The following DSCAM variants were observed in gnomAD, a reference collection of about 807,000 sequenced individuals.
DSCAM encodes the protein DS cell adhesion molecule, also known as cell adhesion molecule DSCAM.
DSCAM carries 47 observed loss-of-function variants against 217.7 expected under a neutral mutation model. That is an observed-to-expected ratio of 0.22 (90% CI 0.17 to 0.28). The LOEUF (loss-of-function observed/expected upper bound fraction) is 0.28. DSCAM is among the 10% of genes least tolerant of loss of function. The pLI is 1.00. For missense variants in DSCAM, 2,080 were observed against 2,618.3 expected (o/e 0.79, Z 4.49); for synonymous variants, 1,056 against 1,015.3 (o/e 1.04, Z -0.76).
At chr21:40,608,141 A>G (rs1216557946) in intron 3 of DSCAM, among the ~76,000 whole-genome samples, 1 of 152,162 alleles carries the variant, frequency 6.6e-6, no homozygotes, top group Admixed American at 6.5e-5. Context: ...AATATACATA[A>G]TCCTCATGAA....
chr21:40,467,930 C>CAAAAAAAAAAAAAAAAAAAAAAAAAAAA (rs56379350), intron 3 of DSCAM, among the ~76,000 whole-genome samples: 1 of 84,426 alleles, frequency 1.2e-5, no homozygotes. Context: ...AAAGATTAAC[C>CAAAAAAAAAAAAAAAAAAAAAAAAAAAA]AAAAAAAAAA....
At chr21:40,351,755 A>C (rs1341493939) in intron 5 of DSCAM, among the ~76,000 whole-genome samples, 4 of 152,240 alleles carry the variant, frequency 2.6e-5, no homozygotes, top group Non-Finnish European at 4.4e-5. Context: ...GCACATTAAG[A>C]ATAAAGGCTT....
At chr21:40,380,838 C>T (rs908004992) in intron 3 of DSCAM, among the ~76,000 whole-genome samples, 32 of 151,802 alleles carry the variant, frequency 2.1e-4, no homozygotes, top group South Asian at 4.2e-4. Flanking sequence ...CCGAGGCGGG[C>T]GGATCACAAG....
intron 11 of DSCAM, among the ~76,000 whole-genome samples, chr21:40,261,984 G>A (rs994212809): frequency 5.3e-5 from 8 of 151,870 alleles, no homozygotes; most frequent in Non-Finnish European, 1.2e-4. Context: ...TTAAGAAAAG[G>A]CACCTGAGAG....
At position 40,738,741 on chromosome 21, in the gene DSCAM, T is replaced by A. The variant is rs1341548624; in HGVS notation, c.44-29970A>T. ...GCATCTCACAAATCATCGAGTGACG[T>A]TGATGCTGCCAGTCAGGGGACCACA... On this transcript the variant is annotated intron_variant, in intron 1 of 32. Coordinates refer to ENST00000400454, the MANE Select transcript of DSCAM (RefSeq NM_001389.5). Among the ~76,000 whole-genome samples the A allele has an allele frequency of 2.6e-5, 4 of 152,278 alleles. No individual in the cohort carries two copies. In the East Asian group the frequency reaches 7.7e-4, roughly 29 times the overall value.
At chr21:40,175,095 C>T (rs151089464) in intron 15 of DSCAM, among the ~76,000 whole-genome samples, 1 of 152,220 alleles carries the variant, frequency 6.6e-6, no homozygotes, top group Non-Finnish European at 1.5e-5. Context: ...ACTTATACAC[C>T]ACAGAAGTTT....
At chr21:40,746,439 T>TA (rs368227761) in intron 1 of DSCAM, among the ~76,000 whole-genome samples, 25 of 147,336 alleles carry the variant, frequency 1.7e-4, no homozygotes, top group African/African-American at 6.2e-4. Context: ...TCAAGAATGG[T>TA]AAAAAATAAA....
intron 4 of DSCAM, among the ~76,000 whole-genome samples, chr21:40,358,178 A>C (rs1170283945): frequency 6.6e-6 from 1 of 152,154 alleles, no homozygotes; most frequent in Admixed American, 6.5e-5. Flanking sequence ...TAAAAAATCA[A>C]CTCTCAATGA....
At chr21:40,491,343 G>T (rs1449215190) in intron 3 of DSCAM, among the ~76,000 whole-genome samples, 1 of 152,006 alleles carries the variant, frequency 6.6e-6, no homozygotes, top group Admixed American at 6.6e-5. Context: ...ACCAGAGAGT[G>T]ATTGCTTCTG....
chr21:40,204,012 A>T (rs1462097728), intron 11 of DSCAM, among the ~76,000 whole-genome samples: 1 of 152,250 alleles, frequency 6.6e-6, no homozygotes, highest in Non-Finnish European at 1.5e-5. Context: ...CCATCATATC[A>T]CGTAGAATAT....
chr21:40,213,699 A>G (rs1275478298), intron 11 of DSCAM, among the ~76,000 whole-genome samples: 1 of 152,190 alleles, frequency 6.6e-6, no homozygotes, highest in Non-Finnish European at 1.5e-5. Context: ...TCTGTTAAGG[A>G]TGCCAGGGAT....
chr21:40,637,651 C>CTA (rs72126679), intron 3 of DSCAM, among the ~76,000 whole-genome samples: 26 of 71,010 alleles, frequency 3.7e-4, no homozygotes, highest in South Asian at 1.4e-3. Flanking sequence ...AAATATATAT[C>CTA]TATATATATA....
chr21:40,369,590 G>A (rs530584247), intron 3 of DSCAM, among the ~76,000 whole-genome samples: 8 of 151,998 alleles, frequency 5.3e-5, no homozygotes, highest in Admixed American at 1.3e-4. Flanking sequence ...GGTATATACC[G>A]AACACAGAAG....
chr21:40,789,339 G>A (rs548503296), intron 1 of DSCAM, among the ~76,000 whole-genome samples: 26 of 151,934 alleles, frequency 1.7e-4, no homozygotes, highest in African/African-American at 5.6e-4. Context: ...AAAAAGTGAC[G>A]GCCATGGAAT....
chr21:40,687,714 T>G (rs117245286), intron 3 of DSCAM, among the ~76,000 whole-genome samples: 101 of 152,340 alleles, frequency 6.6e-4, no homozygotes, highest in Middle Eastern at 3.4e-3. Flanking sequence ...ACCTCCTTTC[T>G]GAAACCTTCT....
intron 1 of DSCAM, among the ~76,000 whole-genome samples, chr21:40,802,111 C>T (rs974274154): frequency 6.6e-6 from 1 of 152,004 alleles, no homozygotes; most frequent in Non-Finnish European, 1.5e-5. Flanking sequence ...ATGGGCTACA[C>T]CAAGCAAAGC....
intron 3 of DSCAM, among the ~76,000 whole-genome samples, chr21:40,421,735 C>G (rs1470180302): frequency 6.6e-6 from 1 of 152,184 alleles, no homozygotes; most frequent in Non-Finnish European, 1.5e-5. Context: ...AGGCGGAAAC[C>G]AAAATGGACA....
intron 3 of DSCAM, among the ~76,000 whole-genome samples, chr21:40,459,124 A>G (rs899204463): frequency 1.3e-5 from 2 of 152,182 alleles, no homozygotes; most frequent in African/African-American, 4.8e-5. Flanking sequence ...AGTTAATAAA[A>G]TCATAAACAC....
intron 16 of DSCAM, among the ~76,000 whole-genome samples, chr21:40,154,427 C>CT (rs1479644336): frequency 4.0e-5 from 6 of 151,782 alleles, no homozygotes; most frequent in Non-Finnish European, 7.4e-5. Context: ...AATTTTTGAA[C>CT]TTTTTTTGTA....
Sources: gnomAD v4.1 joint callset for allele counts (sites outside exome capture counted in the v4.1 genomes callset) on GRCh38, gnomAD v4.1.1 for gene constraint, MANE v1.5 for transcripts, NCBI Gene and HGNC (gene_info 2026-07-23, HGNC 2026-07-21) for gene names.